The following TUSC3 variants were observed in gnomAD, a reference collection of about 807,000 sequenced individuals.
TUSC3 encodes tumor suppressor candidate 3.
In TUSC3, 45 loss-of-function variants were observed where a neutral mutation model predicts 44.8. That is an observed-to-expected ratio of 1.00 (90% CI 0.79 to 1.29). The LOEUF (loss-of-function observed/expected upper bound fraction) is 1.29, where lower values mean the gene tolerates loss of function less well. Among genes scored for constraint, TUSC3 ranks in the 50% most tolerant of loss-of-function variants. TUSC3 has a pLI of 0.00. For missense variants in TUSC3, 519 were observed against 437.9 expected, an observed-to-expected ratio of 1.19 and a Z score of -1.65; for synonymous variants, 212 against 152.9, an observed-to-expected ratio of 1.39 and a Z score of -2.85.
Position 15,673,765 on chromosome 8 carries a change from A to T in TUSC3, c.727A>T (p.Thr243Ser). The change falls in exon 6 of 11, where the codon ACT becomes TCT. Residue 243 changes from threonine to serine, a missense_variant. By Grantham distance (58) the Thr-to-Ser change is moderately conservative (BLOSUM62 1). Coordinates refer to ENST00000503731, the MANE Select transcript of TUSC3 (RefSeq NM_006765.4). ...TTTTCAGTGTATAGTCTTTGCTATG[A>T]CTTCTGGCCAGATGTGGAACCATAT... is the stretch of plus-strand genomic sequence containing the variant. ...MVSLCIVFAM[T>S]SGQMWNHIRG... is the part of the protein sequence containing the mutation. The T allele has an allele frequency of 6.2e-7, 1 of 1,612,748 alleles. No homozygotes were observed. The highest frequency in any genetic ancestry group is 1.3e-5 in the African/African-American group (1 of 74,944).
the TUSC3 span, among the ~76,000 whole-genome samples, chr8:15,838,537 A>C: frequency 1.3e-5 from 2 of 152,146 alleles, no homozygotes; most frequent in African/African-American, 4.8e-5. Flanking sequence ...CAGGAAGTTG[A>C]CCTTTCAATG....
chr8:15,746,881 G>A (rs912219779), intron 8 of TUSC3, among the ~76,000 whole-genome samples: 1 of 149,978 alleles, frequency 6.7e-6, no homozygotes, highest in East Asian at 1.9e-4. Context: ...CTGGGTCCTG[G>A]TATGTGTCAT....
chr8:15,839,187 G>C, the TUSC3 span, among the ~76,000 whole-genome samples: 2 of 152,136 alleles, frequency 1.3e-5, no homozygotes, highest in African/African-American at 2.4e-5. Flanking sequence ...AGGAATGCTT[G>C]TGATTTTTGC....
intron 2 of TUSC3, among the ~76,000 whole-genome samples, chr8:15,489,303 A>C (rs1563264606): frequency 6.6e-6 from 1 of 152,174 alleles, no homozygotes; most frequent in Admixed American, 6.6e-5. Flanking sequence ...TTGTTATTTA[A>C]AGACCTGGAA....
At chr8:15,824,058 G>A in the TUSC3 span, among the ~76,000 whole-genome samples, 2 of 152,158 alleles carry the variant, frequency 1.3e-5, no homozygotes, top group Non-Finnish European at 2.9e-5. Context: ...AAATGTTTTA[G>A]CAATCAACTA....
At chr8:15,816,642 CT>C in the TUSC3 span, among the ~76,000 whole-genome samples, 1 of 152,098 alleles carries the variant, frequency 6.6e-6, no homozygotes, top group Non-Finnish European at 1.5e-5. Context: ...TCATTACAAG[CT>C]TTTAGGGCAA....
At chr8:15,492,969 A>G (rs1473082598) in intron 2 of TUSC3, among the ~76,000 whole-genome samples, 1 of 152,132 alleles carries the variant, frequency 6.6e-6, no homozygotes, top group Admixed American at 6.5e-5. Context: ...CAGCCTGTGT[A>G]ACAGAGAAAG....
intron 2 of TUSC3, among the ~76,000 whole-genome samples, chr8:15,485,904 C>A (rs769960250): frequency 5.3e-5 from 8 of 152,052 alleles, no homozygotes; most frequent in Non-Finnish European, 8.8e-5. Flanking sequence ...GTGATTCCTG[C>A]CTCAGCCTCC....
chr8:15,483,001 G>C (rs1800683009), intron 1 of TUSC3, among the ~76,000 whole-genome samples: 1 of 148,430 alleles, frequency 6.7e-6, no homozygotes, highest in Non-Finnish European at 1.5e-5. Context: ...CAAGTCAAAA[G>C]AATGATAATT....
intron 2 of TUSC3, among the ~76,000 whole-genome samples, chr8:15,504,621 A>ATTTTTTTTT (rs869264757): frequency 4.9e-5 from 1 of 20,298 alleles, no homozygotes; most frequent in East Asian, 1.8e-3. Flanking sequence ...ATATATATAT[A>ATTTTTTTTT]TTTTTTTTTT....
chr8:15,633,032 C>A (rs914024425), intron 2 of TUSC3, among the ~76,000 whole-genome samples: 1 of 152,106 alleles, frequency 6.6e-6, no homozygotes, highest in South Asian at 2.1e-4. Context: ...CGCTTTACTG[C>A]TGAGGTAGTA....
intron 4 of TUSC3, among the ~76,000 whole-genome samples, chr8:15,660,233 C>A (rs12546484): frequency 6.6e-6 from 1 of 151,596 alleles, no homozygotes; most frequent in Admixed American, 6.6e-5. Flanking sequence ...GAATATAAAT[C>A]AAATGTCTAA....
intron 6 of TUSC3, among the ~76,000 whole-genome samples, chr8:15,716,684 A>C (rs1485195737): frequency 6.6e-6 from 1 of 152,152 alleles, no homozygotes; most frequent in Non-Finnish European, 1.5e-5. Context: ...ATTTGTTAAG[A>C]AACTTCATTT....
chr8:15,767,452 T>C (rs1449265351), downstream of TUSC3, among the ~76,000 whole-genome samples: 2 of 150,606 alleles, frequency 1.3e-5, no homozygotes, highest in East Asian at 3.9e-4. Flanking sequence ...AAAAACACTG[T>C]CACATTCCAT....
chr8:15,546,645 C>T (rs1445224586), intron 1 of TUSC3, among the ~76,000 whole-genome samples: 2 of 151,588 alleles, frequency 1.3e-5, no homozygotes, highest in Non-Finnish European at 2.9e-5. Flanking sequence ...AAGCAATCCC[C>T]CTGCCTCAGC....
At chr8:15,474,055 C>T (rs1428308795) in intron 1 of TUSC3, among the ~76,000 whole-genome samples, 1 of 152,092 alleles carries the variant, frequency 6.6e-6, no homozygotes, top group Non-Finnish European at 1.5e-5. Context: ...ATGCATTCTT[C>T]CCCACGGTAT....
At chr8:15,849,237 G>A in the TUSC3 span, among the ~76,000 whole-genome samples, 1 of 152,120 alleles carries the variant, frequency 6.6e-6, no homozygotes, top group African/African-American at 2.4e-5. Flanking sequence ...ATCTTTGGAA[G>A]CAGGTGTAAC....
chr8:15,742,888 C>T (rs1479925132), intron 7 of TUSC3, among the ~76,000 whole-genome samples: 1 of 152,170 alleles, frequency 6.6e-6, no homozygotes, highest in African/African-American at 2.4e-5. Context: ...TGGCATTATT[C>T]AACATAGCAT....
At chr8:15,625,730 G>A (rs577608837) in intron 2 of TUSC3, among the ~76,000 whole-genome samples, 8 of 152,292 alleles carry the variant, frequency 5.3e-5, no homozygotes, top group African/African-American at 1.9e-4. Flanking sequence ...CTCAGGTTAG[G>A]TGGTAGAAAG....
Sources: allele counts gnomAD v4.1 joint callset (sites outside exome capture counted in the v4.1 genomes callset), GRCh38; gene constraint gnomAD v4.1.1; transcripts MANE v1.5; gene names NCBI Gene and HGNC (gene_info 2026-07-23, HGNC 2026-07-21).